The following CCDC178 variants were observed in gnomAD, a reference collection of about 807,000 sequenced individuals.
CCDC178 encodes coiled-coil domain containing 178.
CCDC178 carries 126 observed loss-of-function variants against 117.4 expected under a neutral mutation model. That is an observed-to-expected ratio of 1.07 (90% CI 0.93 to 1.24). The LOEUF is 1.24. Among genes scored for constraint, CCDC178 ranks in the 50% most tolerant of loss-of-function variants. The probability of loss-of-function intolerance (pLI) is 0.00; values close to 1 mark genes in which losing one functional copy is unlikely to be tolerated. For synonymous variants in CCDC178, 283 were observed against 313.4 expected (o/e 0.90, Z 1.02); for missense variants, 1,030 against 986.9 (o/e 1.04, Z -0.59).
chr18:33,044,663 T>A (rs2056610749), intron 21 of CCDC178, among the ~76,000 whole-genome samples: 2 of 152,146 alleles, frequency 1.3e-5, no homozygotes, highest in South Asian at 4.1e-4. Context: ...GATCTGGGTA[T>A]ATACCCAAAG....
At chr18:33,169,986 T>G (rs2058579112) in intron 20 of CCDC178, among the ~76,000 whole-genome samples, 2 of 151,992 alleles carry the variant, frequency 1.3e-5, no homozygotes, top group African/African-American at 2.4e-5. Flanking sequence ...TCTCTCTTCC[T>G]CAAAACCAAT....
At chr18:33,110,880 C>A (rs2057771705) in intron 20 of CCDC178, among the ~76,000 whole-genome samples, 1 of 151,574 alleles carries the variant, frequency 6.6e-6, no homozygotes, top group African/African-American at 2.4e-5. Flanking sequence ...ACCCTTGGCC[C>A]TTCACATTTC....
At chr18:33,148,724 C>T (rs1163767524) in intron 20 of CCDC178, among the ~76,000 whole-genome samples, 1 of 152,174 alleles carries the variant, frequency 6.6e-6, no homozygotes, top group Non-Finnish European at 1.5e-5. Flanking sequence ...TTTCATCTGT[C>T]TGAATCTAGA....
Position 32,938,077 on chromosome 18 carries a change from AT to A in CCDC178, c.2537del (p.Asn846IlefsTer2), listed in dbSNP as rs2054158933. On this transcript the variant is annotated frameshift_variant, in exon 23 of 23. Transcript: ENST00000383096. LOFTEE classifies it high-confidence loss of function. Reference sequence around the variant, plus strand: ...AGAAACCTAAGATGTGTTGCATTAAATTTGAAGATTCCTCCTGTTCAGAAGC... The same window carrying A: ...AGAAACCTAAGATGTGTTGCATTAAATTGAAGATTCCTCCTGTTCAGAAGC... ...KILAVQEESS[N>X]LMQHILGFFQ... The A allele has an allele frequency of 2.5e-6, 4 of 1,613,128 alleles. No individual in the cohort carries two copies. Among genetic ancestry groups the A allele is most frequent in the Non-Finnish European group, 3.4e-6 (4 of 1,179,224 alleles).
intron 20 of CCDC178, among the ~76,000 whole-genome samples, chr18:33,177,569 T>C (rs1001587497): frequency 6.6e-6 from 1 of 152,060 alleles, no homozygotes; most frequent in Admixed American, 6.6e-5. Context: ...TAGTTTTTTC[T>C]CCTTGGCAAA....
At chr18:33,172,711 T>A (rs775479064) in intron 20 of CCDC178, among the ~76,000 whole-genome samples, 1 of 152,152 alleles carries the variant, frequency 6.6e-6, no homozygotes, top group Non-Finnish European at 1.5e-5. Flanking sequence ...ATTTTTGTTT[T>A]CTGGAAGATC....
chr18:33,176,845 G>C (rs955757664), intron 20 of CCDC178, among the ~76,000 whole-genome samples: 2 of 152,052 alleles, frequency 1.3e-5, no homozygotes, highest in African/African-American at 4.8e-5. Context: ...AAAATGACCT[G>C]CTGCTACTAC....
chr18:33,304,894 T>C (rs1441596444), intron 11 of CCDC178, among the ~76,000 whole-genome samples: 1 of 152,168 alleles, frequency 6.6e-6, no homozygotes, highest in Non-Finnish European at 1.5e-5. Context: ...ATTTCCCATT[T>C]CCAGAAAAGA....
At chr18:33,093,821 A>G (rs2145078189) in intron 20 of CCDC178, among the ~76,000 whole-genome samples, 1 of 152,158 alleles carries the variant, frequency 6.6e-6, no homozygotes, top group South Asian at 2.1e-4. Flanking sequence ...TGCTTTATTC[A>G]TTACAATGTT....
intron 21 of CCDC178, among the ~76,000 whole-genome samples, chr18:32,978,431 T>C (rs1209730412): frequency 2.0e-5 from 3 of 152,102 alleles, no homozygotes; most frequent in East Asian, 1.9e-4. Context: ...TGATTGATTA[T>C]ATCAAATAGG....
intron 14 of CCDC178, among the ~76,000 whole-genome samples, chr18:33,248,770 A>C (rs574003332): frequency 2.0e-5 from 3 of 151,990 alleles, no homozygotes; most frequent in East Asian, 3.9e-4. Flanking sequence ...ATAATCCTTC[A>C]GGTATATACC....
At chr18:33,307,815 G>T (rs1236965097) in intron 11 of CCDC178, among the ~76,000 whole-genome samples, 1 of 152,200 alleles carries the variant, frequency 6.6e-6, no homozygotes, top group African/African-American at 2.4e-5. Flanking sequence ...TGCTTCAGAG[G>T]GTGCAAGCCC....
At position 33,245,342 on chromosome 18, in the gene CCDC178, T is replaced by C. The variant is rs201834250; in HGVS notation, c.1496A>G (p.Tyr499Cys). ...LKNDKHLKNI[Y>C]KEAYRIGTLF... ...AGTACCAATGCGATAAGCCTCCTTA[T>C]AGATGTTCTTGAGATGTTTATCATT... Residue 499 changes from tyrosine (Y) to cysteine (C), a missense_variant, in exon 15 of 23, where the codon TAT becomes TGT. Transcript: ENST00000383096. The C allele has an allele frequency of 3.1e-6, 5 of 1,609,206 alleles. No individual in the cohort carries two copies. The highest frequency in any genetic ancestry group is 1.7e-5 in the Admixed American group (1 of 59,354).
intron 2 of CCDC178, among the ~76,000 whole-genome samples, chr18:33,433,208 C>T (rs1473791669): frequency 6.6e-6 from 1 of 152,128 alleles, no homozygotes; most frequent in Admixed American, 6.5e-5. Context: ...TCTGCTTCTG[C>T]AAAAGGATAT....
At chr18:33,364,198 G>T (rs1356439821) in intron 6 of CCDC178, among the ~76,000 whole-genome samples, 1 of 152,068 alleles carries the variant, frequency 6.6e-6, no homozygotes, top group Non-Finnish European at 1.5e-5. Flanking sequence ...ACAAATTGCT[G>T]AATTGTAACC....
chr18:32,968,676 T>C (rs533845988), intron 22 of CCDC178, among the ~76,000 whole-genome samples: 1 of 152,194 alleles, frequency 6.6e-6, no homozygotes, highest in South Asian at 2.1e-4. Context: ...AATTAAATAC[T>C]TTTTCTATTA....
intron 15 of CCDC178, among the ~76,000 whole-genome samples, chr18:33,239,983 A>G (rs1272392797): frequency 6.6e-6 from 1 of 150,480 alleles, no homozygotes; most frequent in East Asian, 2.0e-4. Context: ...TCATATGTTT[A>G]GACACAAAAA....
At chr18:33,308,601 A>G (rs1460663416) in intron 11 of CCDC178, among the ~76,000 whole-genome samples, 2 of 152,124 alleles carry the variant, frequency 1.3e-5, no homozygotes, top group Non-Finnish European at 2.9e-5. Context: ...GGGAGGGGCC[A>G]GGGGTGGAAT....
intron 6 of CCDC178, among the ~76,000 whole-genome samples, chr18:33,366,985 A>G (rs1305426049): frequency 2.6e-5 from 4 of 152,132 alleles, no homozygotes; most frequent in Admixed American, 2.6e-4. Flanking sequence ...AATGTTGAGA[A>G]GAAATATCCC....
Sources: allele counts gnomAD v4.1 joint callset (sites outside exome capture counted in the v4.1 genomes callset), GRCh38; gene constraint gnomAD v4.1.1; transcripts MANE v1.5; gene names NCBI Gene and HGNC (gene_info 2026-07-23, HGNC 2026-07-21).